PDE1C: variants seen among roughly 807,000 people sequenced by gnomAD.
PDE1C encodes dual specificity calcium/calmodulin-dependent 3',5'-cyclic nucleotide phosphodiesterase 1C.
A neutral mutation model predicts 93.1 loss-of-function variants in PDE1C; 62 were observed. The observed-to-expected ratio is 0.67, with a 90% CI of 0.54 to 0.82. The LOEUF is 0.82. PDE1C is among the 40% of genes least tolerant of loss of function. The pLI, the probability that PDE1C is intolerant of heterozygous loss-of-function variation, is 0.00. For synonymous variants in PDE1C, 325 were observed against 310.1 expected, an observed-to-expected ratio of 1.05 and a Z score of -0.50; for missense variants, 742 against 884.6, an observed-to-expected ratio of 0.84 and a Z score of 2.04.
the PDE1C span, among the ~76,000 whole-genome samples, chr7:31,672,176 G>A: frequency 6.6e-6 from 1 of 152,242 alleles, no homozygotes; most frequent in South Asian, 2.1e-4. Context: ...AAAAGTCTCA[G>A]ACTCTCGGCC....
intron 2 of PDE1C, among the ~76,000 whole-genome samples, chr7:31,973,235 A>C (rs1415298091): frequency 6.6e-6 from 1 of 152,232 alleles, no homozygotes; most frequent in Non-Finnish European, 1.5e-5. Context: ...CAAAAGACTC[A>C]ACAGTCATAT....
At chr7:32,060,517 T>C (rs7794195) in intron 1 of PDE1C, among the ~76,000 whole-genome samples, 23,752 of 152,124 alleles carry the variant, frequency 0.16, 1,840 homozygotes, top group Middle Eastern at 0.23. Context: ...AATTTAAATA[T>C]GGCAAAATGA....
At chr7:32,216,026 G>C (rs1398517704) in intron 1 of PDE1C, among the ~76,000 whole-genome samples, 1 of 152,214 alleles carries the variant, frequency 6.6e-6, no homozygotes, top group Non-Finnish European at 1.5e-5. Flanking sequence ...TCCCAAAGAA[G>C]AGAACATTGG....
the PDE1C span, among the ~76,000 whole-genome samples, chr7:31,637,879 G>T: frequency 1.3e-5 from 2 of 152,112 alleles, no homozygotes; most frequent in Admixed American, 6.6e-5. Flanking sequence ...GGTCTAACAT[G>T]TAAGTCTTTA....
chr7:31,828,323 T>A lies in PDE1C; in HGVS notation c.1254A>T (p.Arg418=). 2 of 1,612,746 alleles carry A rather than the reference T, an allele frequency of 1.2e-6. No homozygotes were observed. The highest frequency in any genetic ancestry group is 1.7e-6 in the Non-Finnish European group (2 of 1,179,024). Residue 418 remains arginine (R), a synonymous_variant, in exon 12 of 18, where the codon CGA becomes CGT. Transcript: ENST00000396191. ...LGLPFSPLCD[R]KSTMVAQSQV... ...GTGACTGAGCAACCATAGTGGACTT[T>A]CGGTCACACAGAGGAGAAAAAGGCA...
chr7:32,314,699 A>T (rs574390813), intron 1 of PDE1C, among the ~76,000 whole-genome samples: 1 of 152,070 alleles, frequency 6.6e-6, no homozygotes, highest in Non-Finnish European at 1.5e-5. Context: ...GGAGAAGGTA[A>T]CTCTTCTCAG....
At chr7:31,965,169 G>A (rs1279787847) in intron 2 of PDE1C, among the ~76,000 whole-genome samples, 5 of 152,010 alleles carry the variant, frequency 3.3e-5, no homozygotes, top group Non-Finnish European at 7.3e-5. Context: ...CGAGCTAAAG[G>A]AGGAAGTTCG....
At chr7:32,399,681 C>T (rs2128095155) in intron 1 of PDE1C, among the ~76,000 whole-genome samples, 1 of 147,192 alleles carries the variant, frequency 6.8e-6, no homozygotes, top group East Asian at 2.0e-4. Context: ...CTCCTGTGTT[C>T]AAATGATTCT....
chr7:31,738,519 G>A, the PDE1C span, among the ~76,000 whole-genome samples: 2 of 152,208 alleles, frequency 1.3e-5, no homozygotes, highest in Non-Finnish European at 2.9e-5. Flanking sequence ...CTTGACAGGT[G>A]GGGATTATTG....
At chr7:31,624,393 A>G in the PDE1C span, among the ~76,000 whole-genome samples, 1 of 144,704 alleles carries the variant, frequency 6.9e-6, no homozygotes, top group Non-Finnish European at 1.5e-5. Flanking sequence ...TACAGTAACC[A>G]AAACAGCATG....
chr7:31,962,418 G>T (rs1441735648), intron 2 of PDE1C, among the ~76,000 whole-genome samples: 1 of 152,192 alleles, frequency 6.6e-6, no homozygotes, highest in African/African-American at 2.4e-5. Flanking sequence ...AACAGAGTCT[G>T]CAATGAACAT....
At chr7:32,296,026 T>C (rs1296811728) in intron 1 of PDE1C, among the ~76,000 whole-genome samples, 1 of 152,162 alleles carries the variant, frequency 6.6e-6, no homozygotes, top group Non-Finnish European at 1.5e-5. Context: ...TTAAATACTT[T>C]ATATATAGCA....
At chr7:31,898,038 G>T (rs1169650458) in intron 2 of PDE1C, among the ~76,000 whole-genome samples, 4 of 149,764 alleles carry the variant, frequency 2.7e-5, no homozygotes, top group African/African-American at 7.5e-5. Flanking sequence ...GTGTGTGTGT[G>T]TGTGTGTGTG....
At position 31,753,026 on chromosome 7, in the gene PDE1C, C is replaced by G. The variant is rs6974134; in HGVS notation, c.*358G>C. ...TAAACCAATATTCTTTTGGGGGCAA[C>G]TAACTTTTAGAGATTGAAAAAAGTG... is the stretch of plus-strand genomic sequence containing the variant. On this transcript the variant is annotated 3_prime_UTR_variant, in exon 18 of 18. Coordinates refer to ENST00000396191, the MANE Select transcript of PDE1C (RefSeq NM_001191057.4). 142,561 of 157,420 alleles carry G rather than the reference C, an allele frequency of 0.91. 65,521 individuals are homozygous for G. The highest frequency in any genetic ancestry group is 1 in the East Asian group (5,411 of 5,418). The allele number at this position is 157,420 out of a possible 1,614,324, so 9.8% of individuals were successfully genotyped here. A position where few individuals can be genotyped will look rare whatever the true frequency, so the allele number is the denominator to read the frequency against.
exon 3 of PDE1C, chr7:32,169,902 T>C: frequency 6.2e-7 from 1 of 1,612,686 alleles, no homozygotes; most frequent in Non-Finnish European, 8.5e-7. Flanking sequence ...CTCCTTGACA[T>C]TCCCTGTGAG....
intron 2 of PDE1C, among the ~76,000 whole-genome samples, chr7:31,914,750 C>T (rs1425421713): frequency 6.6e-6 from 1 of 152,152 alleles, no homozygotes; most frequent in Non-Finnish European, 1.5e-5. Flanking sequence ...ATTTTTTCTT[C>T]TATTTTAAAT....
chr7:32,224,467 T>C (rs1202631679), intron 1 of PDE1C, among the ~76,000 whole-genome samples: 1 of 152,170 alleles, frequency 6.6e-6, no homozygotes, highest in Admixed American at 6.5e-5. Flanking sequence ...GTCACTTTCC[T>C]TGTAGGTAAA....
intron 16 of PDE1C, 66 bp from the exon 17 acceptor site, chr7:31,775,798 G>T (rs1319694535): frequency 3.8e-6 from 5 of 1,325,018 alleles, no homozygotes; most frequent in East Asian, 2.3e-5. Flanking sequence ...ACAAGTAAAT[G>T]TTCATCTGAA....
At chr7:32,063,196 T>C (rs140612300) in intron 1 of PDE1C, among the ~76,000 whole-genome samples, 1 of 152,380 alleles carries the variant, frequency 6.6e-6, no homozygotes, top group Admixed American at 6.5e-5. Context: ...TCCCAGTCTA[T>C]TGTAATGTGC....
Sources: gnomAD v4.1 joint callset for allele counts (sites outside exome capture counted in the v4.1 genomes callset) on GRCh38, gnomAD v4.1.1 for gene constraint, MANE v1.5 for transcripts, NCBI Gene and HGNC (gene_info 2026-07-23, HGNC 2026-07-21) for gene names.